Variants in CDH23 observed in about 807,000 individuals in gnomAD.
CDH23 encodes cadherin-23.
A neutral mutation model predicts 317.1 loss-of-function variants in CDH23; 189 were observed. The observed-to-expected ratio is 0.60, with a 90% CI of 0.53 to 0.67. The LOEUF (loss-of-function observed/expected upper bound fraction) is 0.67, where lower values mean the gene tolerates loss of function less well. Ranked by LOEUF, CDH23 falls within the 30% of genes least tolerant of loss-of-function variation. The pLI is 0.00. For synonymous variants in CDH23, 1,839 were observed against 1,876.8 expected, an observed-to-expected ratio of 0.98 and a Z score of 0.52; for missense variants, 4,401 against 4,592.4, an observed-to-expected ratio of 0.96 and a Z score of 1.20.
intron 3 of CDH23, among the ~76,000 whole-genome samples, chr10:71,464,682 A>T (rs1316765963): frequency 6.6e-6 from 1 of 152,122 alleles, no homozygotes; most frequent in Non-Finnish European, 1.5e-5. Context: ...AGTGGGAGTG[A>T]GTGGGTAGAG....
chr10:71,443,105 A>T (rs1051167733), intron 2 of CDH23, among the ~76,000 whole-genome samples: 1 of 152,092 alleles, frequency 6.6e-6, no homozygotes, highest in Non-Finnish European at 1.5e-5. Context: ...CACTCTGAGG[A>T]TCTCTCCAGC....
At chr10:71,643,566 C>CT (rs72512891) in intron 11 of CDH23, among the ~76,000 whole-genome samples, 8 of 151,662 alleles carry the variant, frequency 5.3e-5, no homozygotes, top group Non-Finnish European at 1.0e-4. Flanking sequence ...CTTGCCCCCC[C>CT]CTCACCTCCT....
At chr10:71,483,311 G>A (rs906013437) in intron 3 of CDH23, among the ~76,000 whole-genome samples, 1 of 152,226 alleles carries the variant, frequency 6.6e-6, no homozygotes, top group Non-Finnish European at 1.5e-5. Flanking sequence ...GGCTGGTGGG[G>A]AGGGTTGAAC....
intron 12 of CDH23, chr10:71,645,543 G>C (rs978916852): frequency 1.7e-6 from 1 of 580,990 alleles, no homozygotes; most frequent in East Asian, 3.9e-5. Context: ...GAGAAAGGGA[G>C]CAGGAAATGG....
chr10:71,454,424 G>A (rs77483418), intron 3 of CDH23, among the ~76,000 whole-genome samples: 2,029 of 152,290 alleles, frequency 0.013, 42 homozygotes, highest in African/African-American at 0.044. Flanking sequence ...CTGGTTGCCC[G>A]CTGAAGAAAC....
intron 38 of CDH23, chr10:71,753,896 C>G: frequency 2.2e-6 from 1 of 456,340 alleles, no homozygotes; most frequent in South Asian, 1.5e-5. Flanking sequence ...TGCAGGTGCA[C>G]ACGGGTATTC....
rs1033925494 is a variant in CDH23 at position 71,778,410 on chromosome 10, G to A, written c.5187+102G>A. 3.5e-6 allele frequency: 5 copies of A among 1,436,878 alleles called. No individual in the cohort carries two copies. In the African/African-American group the frequency reaches 7.1e-5, roughly 20 times the overall value. The allele number at this position is 1,436,878 out of a possible 1,614,324, so 89.0% of individuals were successfully genotyped here. A position where few individuals can be genotyped will look rare whatever the true frequency, so the allele number is the denominator to read the frequency against. On this transcript the variant is annotated intron_variant, in intron 40 of 69. Coordinates refer to ENST00000224721, the MANE Select transcript of CDH23 (RefSeq NM_022124.6). ...AAGGGGTTAGGGGAAGATTGTCTGA[G>A]GGAAATGCCTAAATCCAAGACCCCT... is the stretch of plus-strand genomic sequence containing the variant.
rs751496939 is a variant in CDH23 at position 71,738,528 on chromosome 10, A to C, written c.4240A>C (p.Asn1414His). ...VYITVLDEND[N>H]SPRFDFTSDS... Reference sequence around the variant, plus strand: ...CATCACTGTGCTGGACGAGAATGACAACAGCCCCCGGTTTGACTTCACCTC... The same window carrying C: ...CATCACTGTGCTGGACGAGAATGACCACAGCCCCCGGTTTGACTTCACCTC... The change falls in exon 35 of 70, where the codon AAC becomes CAC. Residue 1414 changes from asparagine (N) to histidine (H), a missense_variant. Around this residue, in one of 3 missense-constraint regions of CDH23, gnomAD observed 3,068 missense variants for 3,203.3 expected, o/e 0.96. Coordinates refer to ENST00000224721, the MANE Select transcript of CDH23 (RefSeq NM_022124.6). The C allele has an allele frequency of 1.9e-6, 3 of 1,613,848 alleles. No individual in the cohort carries two copies. The highest frequency in any genetic ancestry group is 1.3e-5 in the African/African-American group (1 of 74,936).
intron 34 of CDH23, among the ~76,000 whole-genome samples, chr10:71,735,123 T>C (rs1839522679): frequency 6.6e-6 from 1 of 152,200 alleles, no homozygotes; most frequent in South Asian, 2.1e-4. Context: ...TGGAAGCAGA[T>C]GTGACTGCAG....
intron 1 of CDH23, among the ~76,000 whole-genome samples, chr10:71,418,173 G>T (rs913219208): frequency 6.6e-6 from 1 of 151,932 alleles, no homozygotes; most frequent in African/African-American, 2.4e-5. Flanking sequence ...CTATGGGCTT[G>T]TTTTTATTGA....
intron 13 of CDH23, 82 bp from the exon 14 acceptor site, chr10:71,646,377 G>A: frequency 6.4e-7 from 1 of 1,571,848 alleles, no homozygotes; most frequent in Non-Finnish European, 8.6e-7. Context: ...GGCCGGCAAA[G>A]GCATGGAGAG....
chr10:71,430,381 GGTGCA>G (rs1243831667), intron 1 of CDH23, among the ~76,000 whole-genome samples: 5 of 152,182 alleles, frequency 3.3e-5, no homozygotes, highest in Non-Finnish European at 5.9e-5. Flanking sequence ...GGTATAACTT[GGTGCA>G]CCCTCTTTGG....
rs560600238 is a variant in CDH23, at chr10:71,498,207, A to G, written c.146-11875A>G. Among the ~76,000 whole-genome samples, 9 of 152,276 alleles carry G rather than the reference A, an allele frequency of 5.9e-5. No individual in the cohort carries two copies. In the South Asian group the frequency reaches 1.7e-3, roughly 28 times the overall value. On this transcript the variant is annotated intron_variant, in intron 3 of 69. Coordinates refer to ENST00000224721, the MANE Select transcript of CDH23 (RefSeq NM_022124.6). ...CTGAGTGTGAACCAGGGCCAGCCAC[A>G]TCAGTTCTAGGCCCGGCTGATTCTC...
intron 14 of CDH23, among the ~76,000 whole-genome samples, chr10:71,654,530 T>A (rs946197911): frequency 1.3e-5 from 2 of 152,158 alleles, no homozygotes; most frequent in African/African-American, 4.8e-5. Flanking sequence ...GCTCATGGAT[T>A]TGGTGGGTCA....
chr10:71,704,363 G>A (rs74147034), intron 24 of CDH23, among the ~76,000 whole-genome samples: 6,291 of 152,270 alleles, frequency 0.041, 194 homozygotes, highest in East Asian at 0.081. Flanking sequence ...TTGGGAGGAG[G>A]CTTGCCTGTG....
intron 9 of CDH23, among the ~76,000 whole-genome samples, chr10:71,586,366 T>C (rs1859063602): frequency 6.6e-6 from 1 of 152,220 alleles, no homozygotes; most frequent in Non-Finnish European, 1.5e-5. Context: ...AATAAGAAAT[T>C]AGCCACCATT....
chr10:71,432,416 AG>A (rs1849429495), intron 1 of CDH23, among the ~76,000 whole-genome samples: 3 of 121,316 alleles, frequency 2.5e-5, no homozygotes, highest in African/African-American at 6.2e-5. Context: ...TGTGTGTGTG[AG>A]TGTGTGGGTG....
Position 71,807,921 on chromosome 10 carries a change from G to T in CDH23, c.8636G>T (p.Ser2879Ile). Residue 2879 changes from serine (S) to isoleucine (I), a missense_variant, in exon 60 of 70, where the codon AGC (serine) becomes ATC (isoleucine). By Grantham distance (142) the Ser-to-Ile change is moderately radical. Coordinates refer to ENST00000224721, the MANE Select transcript of CDH23 (RefSeq NM_022124.6). ...LALDADIGNNSLVFYSILAIH... is the reference protein window; with the variant it reads ...LALDADIGNNILVFYSILAIH... ...CTGGATGCAGACATTGGCAACAACA[G>T]CCTTGTCTTCTACAGCATTCTGGCC... The T allele has an allele frequency of 6.2e-7, 1 of 1,604,458 alleles. No individual in the cohort carries two copies. The highest frequency in any genetic ancestry group is 8.5e-7 in the Non-Finnish European group (1 of 1,175,520).
At chr10:71,756,336 C>A (rs987240610) in intron 38 of CDH23, among the ~76,000 whole-genome samples, 1 of 152,208 alleles carries the variant, frequency 6.6e-6, no homozygotes, top group African/African-American at 2.4e-5. Flanking sequence ...TTGGACATCT[C>A]TCTGTCTCCC....
Sources: allele counts gnomAD v4.1 joint callset (sites outside exome capture counted in the v4.1 genomes callset), GRCh38; gene constraint gnomAD v4.1.1; regional missense constraint gnomAD v4.1.1; transcripts MANE v1.5; gene names NCBI Gene and HGNC (gene_info 2026-07-23, HGNC 2026-07-21).